The following PPP1R9A variants were observed in gnomAD, a reference collection of about 807,000 sequenced individuals.
The protein encoded by PPP1R9A is protein phosphatase 1 regulatory subunit 9A, also known as neurabin-1.
In PPP1R9A, 59 loss-of-function variants were observed where a neutral mutation model predicts 141.9. The ratio of observed to expected loss-of-function variants is 0.42; its 90% CI spans 0.34 to 0.52. PPP1R9A has a LOEUF of 0.52. Among genes scored for constraint, PPP1R9A ranks in the 20% least tolerant of loss-of-function variants. The pLI is 0.10. For synonymous variants in PPP1R9A, 500 were observed against 569.7 expected, an observed-to-expected ratio of 0.88 and a Z score of 1.74; for missense variants, 1,444 against 1,611.9, an observed-to-expected ratio of 0.90 and a Z score of 1.78.
chr7:95,064,319 A>G (rs763973854), intron 2 of PPP1R9A, among the ~76,000 whole-genome samples: 1 of 152,204 alleles, frequency 6.6e-6, no homozygotes, highest in Non-Finnish European at 1.5e-5. Context: ...GCTATAGCTC[A>G]TACCTGAATG....
chr7:95,124,391 A>C (rs1298604120), intron 4 of PPP1R9A, among the ~76,000 whole-genome samples: 1 of 151,910 alleles, frequency 6.6e-6, no homozygotes, highest in South Asian at 2.1e-4. Flanking sequence ...TTTTGTCCTT[A>C]TCTCTCAGTC....
intron 2 of PPP1R9A, among the ~76,000 whole-genome samples, chr7:95,107,128 A>G (rs998616989): frequency 6.6e-6 from 1 of 152,148 alleles, no homozygotes; most frequent in Non-Finnish European, 1.5e-5. Flanking sequence ...GGATGAATGC[A>G]TAGTATCTCC....
In PPP1R9A at chr7:95,296,128, G is replaced by C. The variant is rs1273262834; in HGVS notation, c.*5825G>C. On this transcript the variant is annotated 3_prime_UTR_variant, in exon 20 of 20. Coordinates refer to ENST00000433360, the MANE Select transcript of PPP1R9A (RefSeq NM_001166160.2). Reference sequence around the variant, plus strand: ...TTTTAATTTGTACATTTTGATGTCTGATCATTTGCATGGAAGAGACAATAG... The same window carrying C: ...TTTTAATTTGTACATTTTGATGTCTCATCATTTGCATGGAAGAGACAATAG... 6.6e-6 allele frequency: 1 copy of C among 152,544 alleles called. No individual in the cohort carries two copies. Among genetic ancestry groups the C allele is most frequent in the East Asian group, 1.9e-4 (1 of 5,196 alleles). 9.4% of individuals were successfully genotyped at this position (152,544 alleles called of 1,614,324 possible). A position where few individuals can be genotyped will look rare whatever the true frequency, so the allele number is the denominator to read the frequency against.
intron 5 of PPP1R9A, among the ~76,000 whole-genome samples, chr7:95,181,703 ATATATATAT>A (rs1364894106): frequency 2.0e-4 from 26 of 131,144 alleles, no homozygotes; most frequent in African/African-American, 6.1e-4. Flanking sequence ...TATATAGAAT[ATATATATAT>A]TCCGTCACAT....
At chr7:94,965,277 C>G (rs917287546) in intron 2 of PPP1R9A, among the ~76,000 whole-genome samples, 1 of 152,064 alleles carries the variant, frequency 6.6e-6, no homozygotes, top group Middle Eastern at 3.4e-3. Context: ...GTTGCCTGTT[C>G]ACTCTGGTAA....
intron 5 of PPP1R9A, among the ~76,000 whole-genome samples, chr7:95,189,912 T>C (rs1200705719): frequency 6.6e-6 from 1 of 152,180 alleles, no homozygotes; most frequent in East Asian, 1.9e-4. Flanking sequence ...TGTTTTTCTT[T>C]ATGGTATCTG....
chr7:95,158,796 T>A (rs1830022188), intron 4 of PPP1R9A, among the ~76,000 whole-genome samples: 1 of 152,126 alleles, frequency 6.6e-6, no homozygotes, highest in Non-Finnish European at 1.5e-5. Context: ...AAGAAATGAT[T>A]TGACAATTTG....
chr7:95,017,377 AG>A (rs1805247443), intron 2 of PPP1R9A, among the ~76,000 whole-genome samples: 1 of 152,204 alleles, frequency 6.6e-6, no homozygotes, highest in African/African-American at 2.4e-5. Flanking sequence ...TACTAGAACT[AG>A]TAAGTGAATC....
chr7:95,288,540 T>C lies in PPP1R9A; in HGVS notation c.3734T>C (p.Leu1245Pro), dbSNP rs755644686. Residue 1245 changes from leucine to proline, a missense_variant, in exon 19 of 20, where the codon CTT (leucine) becomes CCT (proline). By Grantham distance (98) the Leu-to-Pro change is moderately conservative. This residue lies in a region of PPP1R9A where 459 missense variants were observed against 513.8 expected (regional missense o/e 0.89). Transcript: ENST00000433360. ...TACGTAACATTCCTATCTTAGATCC[T>C]TGATGATGGACAGTCTCCCAAACAC... ...QSLALSSDEI[L>P]DDGQSPKHSQ... 2 of 1,613,844 alleles carry C rather than the reference T, an allele frequency of 1.2e-6. No individual in the cohort carries two copies.
At chr7:95,251,363 T>G (rs761901384) in intron 10 of PPP1R9A, among the ~76,000 whole-genome samples, 18 of 152,164 alleles carry the variant, frequency 1.2e-4, no homozygotes, top group Non-Finnish European at 2.4e-4. Flanking sequence ...TACAATTATC[T>G]TTTTCGAACT....
chr7:95,290,289 G>C lies in PPP1R9A; in HGVS notation c.4111G>C (p.Ala1371Pro). 1.2e-6 allele frequency: 2 copies of C among 1,610,436 alleles called. No homozygotes were observed. The highest frequency in any genetic ancestry group is 1.7e-6 in the Non-Finnish European group (2 of 1,178,170). Reference sequence around the variant, plus strand: ...GATGACGTCAACTACAGCCGAGGGTGCTGGTGAGCAGTAACACATACCCTC... The same window carrying C: ...GATGACGTCAACTACAGCCGAGGGTCCTGGTGAGCAGTAACACATACCCTC... ...EKMTSTTAEG[A>P]GEQ The change falls in exon 20 of 20, where the codon GCT (alanine) becomes CCT (proline). Residue 1371 changes from alanine (A) to proline (P), a missense_variant. Around this residue, in one of 5 missense-constraint regions of PPP1R9A, gnomAD observed 459 missense variants for 513.8 expected, o/e 0.89. Transcript: ENST00000433360.
chr7:95,046,204 G>A (rs545252930), intron 2 of PPP1R9A, among the ~76,000 whole-genome samples: 1 of 151,602 alleles, frequency 6.6e-6, no homozygotes, highest in Non-Finnish European at 1.5e-5. Flanking sequence ...TCAGCCTCCC[G>A]AGTAGCTGGG....
chr7:94,960,257 C>T (rs1797488042), intron 2 of PPP1R9A, among the ~76,000 whole-genome samples: 1 of 150,818 alleles, frequency 6.6e-6, no homozygotes, highest in Non-Finnish European at 1.5e-5. Context: ...AATTCTGGCA[C>T]TCTCTTAAGA....
chr7:95,144,283 T>C (rs1488626116), intron 4 of PPP1R9A, among the ~76,000 whole-genome samples: 2 of 152,188 alleles, frequency 1.3e-5, no homozygotes, highest in African/African-American at 2.4e-5. Flanking sequence ...TAGCATAATG[T>C]CTTCCAGATT....
chr7:95,133,509 CGTATT>C (rs1563286525), intron 4 of PPP1R9A, among the ~76,000 whole-genome samples: 3 of 59,460 alleles, frequency 5.0e-5, no homozygotes, highest in Admixed American at 2.8e-4. Flanking sequence ...ATTATGCAGT[CGTATT>C]ATATATATAT....
chr7:94,912,476 A>G (rs974519892), intron 2 of PPP1R9A, among the ~76,000 whole-genome samples: 1 of 152,114 alleles, frequency 6.6e-6, no homozygotes, highest in Non-Finnish European at 1.5e-5. Flanking sequence ...GTAGTTTTAG[A>G]CCACATTCTA....
chr7:95,015,137 C>T (rs1279886789), intron 2 of PPP1R9A, among the ~76,000 whole-genome samples: 1 of 151,810 alleles, frequency 6.6e-6, no homozygotes, highest in Non-Finnish European at 1.5e-5. Flanking sequence ...CTGGGCACTT[C>T]ATGTGAAAAT....
chr7:95,191,575 TGGTAATTTTGTCCAA>T (rs1835508091), intron 5 of PPP1R9A, among the ~76,000 whole-genome samples: 1 of 152,150 alleles, frequency 6.6e-6, no homozygotes. Flanking sequence ...TTCTATATAG[TGGTAATTTTGTCCAA>T]GGTAATTTTG....
chr7:94,995,500 A>G (rs917539859), intron 2 of PPP1R9A, among the ~76,000 whole-genome samples: 5 of 150,316 alleles, frequency 3.3e-5, no homozygotes, highest in Admixed American at 2.0e-4. Flanking sequence ...TTTATTATAA[A>G]TTTTTTTTTC....
Sources: allele counts gnomAD v4.1 joint callset (sites outside exome capture counted in the v4.1 genomes callset), GRCh38; gene constraint gnomAD v4.1.1; regional missense constraint gnomAD v4.1.1; transcripts MANE v1.5; gene names NCBI Gene and HGNC (gene_info 2026-07-23, HGNC 2026-07-21).